The following LRRC40 variants were observed in gnomAD, a reference collection of about 807,000 sequenced individuals.
LRRC40 encodes leucine-rich repeat-containing protein 40.
A neutral mutation model predicts 72.8 loss-of-function variants in LRRC40; 76 were observed. That is an observed-to-expected ratio of 1.04 (90% CI 0.87 to 1.26). The LOEUF is 1.26. Ranked by LOEUF, LRRC40 falls within the 50% of genes most tolerant of loss-of-function variation. The pLI is 0.00. For missense variants in LRRC40, 684 were observed against 698.9 expected (o/e 0.98, Z 0.24); for synonymous variants, 243 against 254.2 (o/e 0.96, Z 0.42).
Position 70,155,755 on chromosome 1 carries a change from G to T in LRRC40, c.1262C>A (p.Ala421Glu). 1 of 1,577,356 alleles carries T rather than the reference G, an allele frequency of 6.3e-7. No individual in the cohort carries two copies. Among genetic ancestry groups the T allele is most frequent in the Non-Finnish European group, 8.6e-7 (1 of 1,156,748 alleles). Residue 421 changes from alanine (A) to glutamate (E), a missense_variant, in exon 11 of 15, where the codon GCA becomes GAA. Ala to Glu is a moderately radical substitution (Grantham distance 107). Coordinates refer to ENST00000370952, the MANE Select transcript of LRRC40 (RefSeq NM_017768.5). ...ATLIPDEVFD[A>E]VKSNIVTSIN... Reference sequence around the variant, plus strand: ...AGAAGTGACGATGTTGCTTTTTACTGCATCAAACACCTCATCAGGAATCAA... The same window carrying T: ...AGAAGTGACGATGTTGCTTTTTACTTCATCAAACACCTCATCAGGAATCAA...
intron 1 of LRRC40, among the ~76,000 whole-genome samples, chr1:70,197,520 C>A (rs1668641163): frequency 6.6e-6 from 1 of 151,612 alleles, no homozygotes; most frequent in South Asian, 2.1e-4. Flanking sequence ...CTCAAGTGAT[C>A]CTCCCACCTT....
chr1:70,179,129 C>T (rs1668185718), intron 5 of LRRC40, 136 bp from the exon 6 acceptor site: 3 of 427,420 alleles, frequency 7.0e-6, no homozygotes, highest in Non-Finnish European at 1.3e-5. Flanking sequence ...AATATTCAAA[C>T]ACCACTGAAT....
At chr1:70,177,208 G>A (rs533019170) in intron 6 of LRRC40, among the ~76,000 whole-genome samples, 10 of 152,100 alleles carry the variant, frequency 6.6e-5, no homozygotes, top group African/African-American at 7.2e-5. Flanking sequence ...CTCGTGAGGC[G>A]GAGGTTGCAG....
At chr1:70,194,884 GA>G (rs1668576189) in intron 1 of LRRC40, among the ~76,000 whole-genome samples, 2 of 151,940 alleles carry the variant, frequency 1.3e-5, no homozygotes, top group Non-Finnish European at 1.5e-5. Context: ...TAGGTCAATG[GA>G]AAAAGAGTTC....
chr1:70,151,898 C>G (rs1667504028), intron 12 of LRRC40: 1 of 151,966 alleles, frequency 6.6e-6, no homozygotes, highest in Admixed American at 6.6e-5. Flanking sequence ...GAAAATTATT[C>G]CCAACTAGAT....
chr1:70,196,819 C>T (rs1180104894), intron 1 of LRRC40, among the ~76,000 whole-genome samples: 2 of 152,104 alleles, frequency 1.3e-5, no homozygotes, highest in African/African-American at 2.4e-5. Flanking sequence ...GTACTGGTTA[C>T]ATGATGGTAT....
chr1:70,166,904 G>A (rs922850867), intron 9 of LRRC40, among the ~76,000 whole-genome samples: 39 of 148,726 alleles, frequency 2.6e-4, no homozygotes, highest in Admixed American at 1.4e-3. Flanking sequence ...CAAAAGAAAG[G>A]AGAAAAAAGG....
chr1:70,152,458 G>T lies in LRRC40; in HGVS notation c.1414C>A (p.Gln472Lys), dbSNP rs769579369. Residue 472 changes from glutamine to lysine, a missense_variant, in exon 12 of 15, where the codon CAG becomes AAG. By Grantham distance (53) the Gln-to-Lys change is moderately conservative (BLOSUM62 1). Transcript: ENST00000370952. Reference protein sequence around the residue: ...SFISLELCVLQKLTFLDLRNN... With the variant: ...SFISLELCVLKKLTFLDLRNN... ...CTGAGATCTAAAAAAGTCAATTTCT[G>T]AAGCACACATAACTCCAAGGATATA... The T allele has an allele frequency of 6.3e-7, 1 of 1,591,630 alleles. No homozygotes were observed. Among genetic ancestry groups the T allele is most frequent in the Non-Finnish European group, 8.6e-7 (1 of 1,161,580 alleles).
At chr1:70,171,848 T>C (rs575095675) in intron 9 of LRRC40, among the ~76,000 whole-genome samples, 103 of 152,266 alleles carry the variant, frequency 6.8e-4, no homozygotes, top group African/African-American at 2.1e-3. Context: ...CTCCTAGGTA[T>C]ATACACCCAA....
intron 1 of LRRC40, among the ~76,000 whole-genome samples, chr1:70,198,204 C>T (rs1267074916): frequency 6.6e-6 from 1 of 152,188 alleles, no homozygotes; most frequent in African/African-American, 2.4e-5. Flanking sequence ...GCTAACCAAA[C>T]TGCTCTCTTC....
At chr1:70,201,251 A>G (rs1482023336) in intron 1 of LRRC40, among the ~76,000 whole-genome samples, 2 of 152,224 alleles carry the variant, frequency 1.3e-5, no homozygotes, top group African/African-American at 2.4e-5. Context: ...ACAAAAGATA[A>G]TAACACTTTT....
intron 1 of LRRC40, among the ~76,000 whole-genome samples, chr1:70,190,479 G>C (rs961777328): frequency 1.3e-5 from 2 of 151,072 alleles, no homozygotes; most frequent in African/African-American, 4.9e-5. Flanking sequence ...CCATGAGTTT[G>C]AGACCAGCCT....
chr1:70,146,766 C>T (rs1170459297), intron 14 of LRRC40, among the ~76,000 whole-genome samples: 5 of 152,092 alleles, frequency 3.3e-5, no homozygotes, highest in Non-Finnish European at 7.4e-5. Context: ...CACATTCTGC[C>T]CTCTCCCTCC....
intron 3 of LRRC40, among the ~76,000 whole-genome samples, chr1:70,185,778 C>T (rs924221332): frequency 6.6e-6 from 1 of 152,120 alleles, no homozygotes; most frequent in Non-Finnish European, 1.5e-5. Flanking sequence ...TTGGTCTTTT[C>T]AGTTAAGCCC....
chr1:70,156,519 T>C (rs1482827667), intron 10 of LRRC40, among the ~76,000 whole-genome samples: 19 of 152,204 alleles, frequency 1.2e-4, no homozygotes. Flanking sequence ...AATTTCCTCT[T>C]TATTAAAATT....
chr1:70,188,998 C>G, intron 2 of LRRC40, 94 bp downstream of exon 2: 1 of 1,032,652 alleles, frequency 9.7e-7, no homozygotes, highest in Admixed American at 2.2e-5. Flanking sequence ...CTTGCATTAC[C>G]AACTCAACAT....
intron 9 of LRRC40, among the ~76,000 whole-genome samples, chr1:70,163,683 G>C (rs1213975515): frequency 4.6e-5 from 7 of 152,098 alleles, no homozygotes; most frequent in African/African-American, 1.7e-4. Flanking sequence ...CAGGGATTAG[G>C]GTGTGGCCAT....
intron 3 of LRRC40, among the ~76,000 whole-genome samples, chr1:70,185,360 C>T (rs1241422391): frequency 6.6e-6 from 1 of 152,266 alleles, no homozygotes; most frequent in African/African-American, 2.4e-5. Flanking sequence ...ATCATGGGAG[C>T]GGTTTCCCCC....
intron 5 of LRRC40, 24 bp downstream of exon 5, chr1:70,181,062 T>C: frequency 7.0e-7 from 1 of 1,433,566 alleles, no homozygotes; most frequent in Non-Finnish European, 9.6e-7. Context: ...AATTTATGTA[T>C]TATGTAAAAC....
Sources: allele counts gnomAD v4.1 joint callset (sites outside exome capture counted in the v4.1 genomes callset), GRCh38; gene constraint gnomAD v4.1.1; transcripts MANE v1.5; gene names NCBI Gene and HGNC (gene_info 2026-07-23, HGNC 2026-07-21).